The following P2RX3 variants were observed in gnomAD, a reference collection of about 807,000 sequenced individuals.
The protein encoded by P2RX3 is purinergic receptor P2X 3, also known as P2X purinoceptor 3.
A neutral mutation model predicts 51.5 loss-of-function variants in P2RX3; 41 were observed. The ratio of observed to expected loss-of-function variants is 0.80; its 90% confidence interval spans 0.62 to 1.03. The LOEUF is 1.03. Among genes scored for constraint, P2RX3 ranks in the 50% least tolerant of loss-of-function variants. The pLI is 0.00. For missense variants in P2RX3, 459 were observed against 522.1 expected (o/e 0.88, Z 1.18); for synonymous variants, 185 against 191.6 (o/e 0.97, Z 0.29).
In P2RX3 at chr11:57,367,697, G is replaced by A. The variant is rs3781896; in HGVS notation, c.843-312G>A. Reference sequence around the variant, plus strand: ...GATCGCACCACTGCACTGCAATGTGGGCGACAGAATGAGACTCTGTCTCAA... The same window carrying A: ...GATCGCACCACTGCACTGCAATGTGAGCGACAGAATGAGACTCTGTCTCAA... On this transcript the variant is annotated intron_variant, in intron 8 of 11. Transcript: ENST00000263314. 4.6e-5 allele frequency among the ~76,000 whole-genome samples: 7 copies of A among 152,230 alleles called. No individual in the cohort carries two copies. In the East Asian group the frequency reaches 1.4e-3, roughly 29 times the overall value.
upstream of P2RX3, among the ~76,000 whole-genome samples, chr11:57,336,161 C>T (rs967507703): frequency 6.6e-6 from 1 of 152,112 alleles, no homozygotes; most frequent in African/African-American, 2.4e-5. Context: ...ATGATGCGTG[C>T]CCGTTTCTCT....
rs1334148897 is a variant in P2RX3 at position 57,348,163 on chromosome 11, A to G, written c.392-7A>G. 1 of 1,573,458 alleles carries G rather than the reference A, an allele frequency of 6.4e-7. No homozygotes were observed. Among genetic ancestry groups the G allele is most frequent in the Admixed American group, 1.9e-5 (1 of 53,662 alleles). The stretch of plus-strand genomic sequence containing the variant: ...CAGCCACCCAGCAGCTGTGGCTCTC[A>G]CTTTAGGGATCCTCACTGGCCGCTG... On this transcript the variant is annotated splice_region_variant and splice_polypyrimidine_tract_variant and intron_variant, in intron 4 of 11. Transcript: ENST00000263314.
chr11:57,369,047 A>G (rs1042956357), intron 10 of P2RX3, among the ~76,000 whole-genome samples: 2 of 152,118 alleles, frequency 1.3e-5, no homozygotes, highest in African/African-American at 4.8e-5. Flanking sequence ...CCCTCCCATG[A>G]TAGCCCATTA....
intron 8 of P2RX3, among the ~76,000 whole-genome samples, chr11:57,354,769 G>A (rs1856602486): frequency 6.6e-6 from 1 of 152,018 alleles, no homozygotes; most frequent in Non-Finnish European, 1.5e-5. Context: ...AGGCATTGAT[G>A]GTGCAATGAC....
At chr11:57,351,230 T>G (rs1319894053) in intron 8 of P2RX3, among the ~76,000 whole-genome samples, 1 of 152,196 alleles carries the variant, frequency 6.6e-6, no homozygotes, top group Non-Finnish European at 1.5e-5. Context: ...GTGACGTGCT[T>G]AAGTGACTTC....
intron 10 of P2RX3, 49 bp downstream of exon 10, chr11:57,368,486 G>A (rs191093674): frequency 9.4e-6 from 15 of 1,597,374 alleles, no homozygotes; most frequent in African/African-American, 4.0e-5. Context: ...AGTGGGGCCC[G>A]GACTGGTACC....
In P2RX3 at chr11:57,343,291, T is replaced by C. The variant is rs557245266; in HGVS notation, c.120-3253T>C. Among the ~76,000 whole-genome samples, 13 of 152,352 alleles carry C rather than the reference T, an allele frequency of 8.5e-5. No individual in the cohort carries two copies. In the South Asian group the frequency reaches 2.3e-3, roughly 27 times the overall value. On this transcript the variant is annotated intron_variant, in intron 1 of 11. Transcript: ENST00000263314. ...AGGTAGGAGATTGGTTGATTGTTCC[T>C]TGGAGTCCTCGGCCCTTTCCTCCTG...
In P2RX3 at chr11:57,368,050, G is replaced by A. The variant is rs749261278; in HGVS notation, c.884G>A (p.Arg295His). The change falls in exon 9 of 12, where the codon CGC becomes CAC. Residue 295 changes from arginine (R) to histidine (H), a missense_variant. Coordinates refer to ENST00000263314, the MANE Select transcript of P2RX3 (RefSeq NM_002559.5). Reference protein sequence around the residue: ...YYKMENGSEYRTLLKAFGIRF... With the variant: ...YYKMENGSEYHTLLKAFGIRF... ...AAAATGGAAAATGGCAGTGAGTACC[G>A]CACCCTCCTGAAGGCTTTTGGCATC... is the stretch of plus-strand genomic sequence containing the variant. The A allele has an allele frequency of 5.0e-6, 8 of 1,614,108 alleles. No homozygotes were observed. Among genetic ancestry groups the A allele is most frequent in the Admixed American group, 1.7e-5 (1 of 60,020 alleles).
chr11:57,340,907 A>C (rs1203176322), intron 1 of P2RX3, among the ~76,000 whole-genome samples: 1 of 152,214 alleles, frequency 6.6e-6, no homozygotes, highest in East Asian at 1.9e-4. Flanking sequence ...GGAGGCTGGC[A>C]AACAGGGGAA....
chr11:57,348,538 C>A, intron 5 of P2RX3, 89 bp from the exon 6 acceptor site: 2 of 1,103,808 alleles, frequency 1.8e-6, no homozygotes, highest in Non-Finnish European at 2.8e-6. Context: ...CCTTTGGAGG[C>A]ATCCACCAGG....
At chr11:57,350,359 C>G (rs1159963819) in intron 7 of P2RX3, 6 of 166,400 alleles carry the variant, frequency 3.6e-5, no homozygotes, top group Non-Finnish European at 6.9e-5. Context: ...GAGTGCATGG[C>G]GCGATTTCGG....
intron 8 of P2RX3, among the ~76,000 whole-genome samples, chr11:57,352,657 A>G (rs1466824734): frequency 1.3e-5 from 2 of 152,196 alleles, no homozygotes; most frequent in African/African-American, 4.8e-5. Context: ...TCATCTAAAT[A>G]AGAATTGGTC....
chr11:57,348,842 A>G (rs1164253525), intron 6 of P2RX3, 138 bp downstream of exon 6: 2 of 614,080 alleles, frequency 3.3e-6, no homozygotes, highest in East Asian at 5.8e-5. Context: ...TGGGCCTACC[A>G]TTCCCAATCT....
At chr11:57,357,474 A>G (rs73472571) in intron 8 of P2RX3, among the ~76,000 whole-genome samples, 2,393 of 152,280 alleles carry the variant, frequency 0.016, 63 homozygotes, top group African/African-American at 0.054. Context: ...GCTTGCAACC[A>G]CAAGTAGGAC....
At chr11:57,357,409 G>A (rs1309341857) in intron 8 of P2RX3, among the ~76,000 whole-genome samples, 1 of 152,162 alleles carries the variant, frequency 6.6e-6, no homozygotes, top group African/African-American at 2.4e-5. Flanking sequence ...AGGCCACACA[G>A]CTCCTACTGC....
At chr11:57,349,369 G>A (rs1291743746) in intron 6 of P2RX3, among the ~76,000 whole-genome samples, 2 of 151,960 alleles carry the variant, frequency 1.3e-5, no homozygotes, top group Admixed American at 1.3e-4. Context: ...GGGAGACTGA[G>A]GCAGGAGAAT....
rs1199009930 is a variant in P2RX3 at position 57,347,460 on chromosome 11, G to A, written c.373G>A (p.Glu125Lys). Residue 125 changes from glutamate to lysine, a missense_variant, in exon 4 of 12, where the codon GAG becomes AAG. Physicochemically the swap from Glu to Lys is moderately conservative, Grantham distance 56. Coordinates refer to ENST00000263314, the MANE Select transcript of P2RX3 (RefSeq NM_002559.5). ...TGTATCAGACAGCCAGTGCGGGCCTGAGCGCTTGCCAGGTGGGGGTGAGTC... is the reference window on the plus strand; with the variant it reads ...TGTATCAGACAGCCAGTGCGGGCCTAAGCGCTTGCCAGGTGGGGGTGAGTC... ...RCVSDSQCGP[E>K]RLPGGGILTG... 1 of 1,558,046 alleles carries A rather than the reference G, an allele frequency of 6.4e-7. No homozygotes were observed.
At chr11:57,340,882 C>T (rs1357338896) in intron 1 of P2RX3, among the ~76,000 whole-genome samples, 1 of 152,116 alleles carries the variant, frequency 6.6e-6, no homozygotes, top group African/African-American at 2.4e-5. Context: ...GAGAAACCCA[C>T]CTCTGCAAAG....
At chr11:57,346,473 C>A in intron 1 of P2RX3, 71 bp from the exon 2 acceptor site, 2 of 1,564,328 alleles carry the variant, frequency 1.3e-6, no homozygotes, top group South Asian at 1.2e-5. Flanking sequence ...AGGAAGGTGA[C>A]CTCTCCCAGC....
Sources: gnomAD v4.1 joint callset for allele counts (sites outside exome capture counted in the v4.1 genomes callset) on GRCh38, gnomAD v4.1.1 for gene constraint, MANE v1.5 for transcripts, NCBI Gene and HGNC (gene_info 2026-07-23, HGNC 2026-07-21) for gene names.